The following KANSL3 variants were observed in gnomAD, a reference collection of about 807,000 sequenced individuals.
The protein encoded by KANSL3 is KAT8 regulatory NSL complex subunit 3.
KANSL3 carries 16 observed loss-of-function variants against 89.2 expected under a neutral mutation model. That is an observed-to-expected ratio of 0.18 (90% CI 0.12 to 0.27). The LOEUF is 0.27. Ranked by LOEUF, KANSL3 falls within the 10% of genes least tolerant of loss-of-function variation. The pLI, the probability that KANSL3 is intolerant of heterozygous loss-of-function variation, is 1.00. For missense variants in KANSL3, 879 were observed against 1,110.6 expected (o/e 0.79, Z 2.96); for synonymous variants, 385 against 419.7 (o/e 0.92, Z 1.01).
intron 3 of KANSL3, among the ~76,000 whole-genome samples, chr2:96,626,441 G>A (rs2072335272): frequency 6.6e-6 from 1 of 152,120 alleles, no homozygotes; most frequent in Non-Finnish European, 1.5e-5. Flanking sequence ...GATTTATACA[G>A]ATACATACAA....
chr2:96,627,922 C>T (rs1168582878), intron 3 of KANSL3: 41 of 1,289,588 alleles, frequency 3.2e-5, no homozygotes, highest in Non-Finnish European at 3.8e-5. Context: ...AGTTACCTAC[C>T]AAAAGAGATG....
intron 3 of KANSL3, chr2:96,627,898 C>T (rs763143940): frequency 2.0e-5 from 26 of 1,288,288 alleles, no homozygotes; most frequent in South Asian, 4.9e-5. Flanking sequence ...ATAATAAAAT[C>T]GGCTATGTAC....
the KANSL3 span, among the ~76,000 whole-genome samples, chr2:96,587,808 G>A: frequency 6.6e-6 from 1 of 152,046 alleles, no homozygotes; most frequent in Admixed American, 6.6e-5. Context: ...TCCTCAGGAA[G>A]GATACAGAAG....
intron 3 of KANSL3, 84 bp from the exon 4 acceptor site, chr2:96,619,846 T>C (rs988977395): frequency 2.8e-6 from 3 of 1,074,416 alleles, no homozygotes; most frequent in African/African-American, 3.2e-5. Flanking sequence ...GATTATGCCA[T>C]AGTTTTATGT....
chr2:96,637,777 G>GA (rs2074457302), intron 1 of KANSL3, among the ~76,000 whole-genome samples: 1 of 152,152 alleles, frequency 6.6e-6, no homozygotes, highest in Non-Finnish European at 1.5e-5. Flanking sequence ...ACATAAAAAT[G>GA]AAAACTGCCC....
chr2:96,601,094 C>A (rs2067114799), intron 20 of KANSL3, among the ~76,000 whole-genome samples: 1 of 152,138 alleles, frequency 6.6e-6, no homozygotes, highest in African/African-American at 2.4e-5. Flanking sequence ...CGAGGCCAGC[C>A]TGGTCAACAC....
At chr2:96,586,436 T>C in the KANSL3 span, among the ~76,000 whole-genome samples, 3 of 152,018 alleles carry the variant, frequency 2.0e-5, no homozygotes, top group Non-Finnish European at 4.4e-5. Flanking sequence ...TAAGAAAGAT[T>C]TTCTGTCTTT....
rs2104798051 is a variant in KANSL3 at position 96,594,612 on chromosome 2, C to T, written c.*999G>A. 6.6e-6 allele frequency: 1 copy of T among 152,318 alleles called. No homozygotes were observed. Among genetic ancestry groups the T allele is most frequent in the Admixed American group, 6.5e-5 (1 of 15,300 alleles). 9.4% of individuals were successfully genotyped at this position (152,318 alleles called of 1,614,324 possible). A position where few individuals can be genotyped will look rare whatever the true frequency, so the allele number is the denominator to read the frequency against. ...TTTCCTGGGATGGCCAAGATACTAC[C>T]TTAGCTTATTGTCCCTGCTTCACCT... On this transcript the variant is annotated 3_prime_UTR_variant, in exon 21 of 21. Coordinates refer to ENST00000431828, the MANE Select transcript of KANSL3 (RefSeq NM_001115016.3).
intron 5 of KANSL3, chr2:96,615,284 G>C (rs950673518): frequency 1.8e-5 from 3 of 162,220 alleles, no homozygotes; most frequent in African/African-American, 7.3e-5. Context: ...AGTATCAGTT[G>C]ATTTTATAAT....
chr2:96,636,964 G>C lies in KANSL3; in HGVS notation c.172C>G (p.Arg58Gly). 1 of 1,549,392 alleles carries C rather than the reference G, an allele frequency of 6.5e-7. No homozygotes were observed. Residue 58 changes from arginine to glycine, a missense_variant, in exon 2 of 21, where the codon CGC becomes GGC. Arg to Gly is a moderately radical substitution (Grantham distance 125). This residue lies in a region of KANSL3 where 210 missense variants were observed against 311.9 expected (regional missense o/e 0.67). Transcript: ENST00000431828. ...CGCCGGGGAGTGACAAAGAGCATGC[G>C]GGTGGGGCGGGCACTACTGGCATCT... ...HPDASSARPT[R>G]MLFVTPRRQH...
At chr2:96,619,822 C>T in intron 3 of KANSL3, 60 bp from the exon 4 acceptor site, 2 of 1,275,086 alleles carry the variant, frequency 1.6e-6, no homozygotes, top group East Asian at 2.5e-5. Flanking sequence ...CATGTATGTA[C>T]ACCATATAAA....
chr2:96,591,151 C>T (rs2066267723), downstream of KANSL3, among the ~76,000 whole-genome samples: 1 of 152,114 alleles, frequency 6.6e-6, no homozygotes, highest in Non-Finnish European at 1.5e-5. Context: ...CATGAAATAC[C>T]ACTCAGCAAT....
chr2:96,596,125 G>T (rs552313525), intron 20 of KANSL3, among the ~76,000 whole-genome samples: 1 of 152,196 alleles, frequency 6.6e-6, no homozygotes, highest in South Asian at 2.1e-4. Flanking sequence ...ATGTAGGTGT[G>T]GGGGGATGCC....
chr2:96,604,190 C>G, intron 17 of KANSL3, 60 bp downstream of exon 17: 9 of 1,529,934 alleles, frequency 5.9e-6, no homozygotes, highest in Non-Finnish European at 7.9e-6. Context: ...CCAGGACCAC[C>G]CAGAAGCAGC....
chr2:96,587,673 A>G, the KANSL3 span, among the ~76,000 whole-genome samples: 2 of 152,236 alleles, frequency 1.3e-5, no homozygotes, highest in Admixed American at 1.3e-4. Flanking sequence ...ATAAGAAAAG[A>G]CAACCAACAG....
Position 96,636,931 on chromosome 2 carries a change from C to A in KANSL3, c.205G>T (p.Glu69Ter). ...GAAGCCCCAACTCACATGGTACTTTCGTGCTGCCGCCGGGGAGTGACAAAG... is the reference window on the plus strand; with the variant it reads ...GAAGCCCCAACTCACATGGTACTTTAGTGCTGCCGCCGGGGAGTGACAAAG... The part of the protein sequence containing the change: ...MLFVTPRRQH[E>*]STIESDVPID... Residue 69 changes from glutamate (E) to a stop codon, truncating the protein, a stop_gained, in exon 2 of 21, where the codon GAA becomes TAA. Coordinates refer to ENST00000431828, the MANE Select transcript of KANSL3 (RefSeq NM_001115016.3). LOFTEE classifies it high-confidence loss of function. 1 of 1,529,318 alleles carries A rather than the reference C, an allele frequency of 6.5e-7. No individual in the cohort carries two copies. The highest frequency in any genetic ancestry group is 8.8e-7 in the Non-Finnish European group (1 of 1,134,524). The allele number at this position is 1,529,318 out of a possible 1,614,324, so 94.7% of individuals were successfully genotyped here.
At chr2:96,619,122 A>G (rs2070767864) in intron 5 of KANSL3, among the ~76,000 whole-genome samples, 1 of 152,238 alleles carries the variant, frequency 6.6e-6, no homozygotes, top group Admixed American at 6.5e-5. Flanking sequence ...GGAAGGCTAA[A>G]TGTATACTCT....
At chr2:96,589,601 T>C (rs1012234570), downstream of KANSL3, among the ~76,000 whole-genome samples, 4 of 152,166 alleles carry the variant, frequency 2.6e-5, no homozygotes, top group Admixed American at 1.3e-4. Context: ...ACAATTATAG[T>C]TGGAAATTTC....
intron 5 of KANSL3, among the ~76,000 whole-genome samples, chr2:96,618,721 T>C (rs961034629): frequency 6.6e-6 from 1 of 152,222 alleles, no homozygotes; most frequent in Non-Finnish European, 1.5e-5. Flanking sequence ...CAGTCCAAGC[T>C]TACACAGCTA....
Sources: gnomAD v4.1 joint callset for allele counts (sites outside exome capture counted in the v4.1 genomes callset) on GRCh38, gnomAD v4.1.1 for gene constraint, gnomAD v4.1.1 regional missense constraint, MANE v1.5 for transcripts, NCBI Gene and HGNC (gene_info 2026-07-23, HGNC 2026-07-21) for gene names.